Variants in ADK observed in about 807,000 individuals in gnomAD.
The protein encoded by ADK is N6,N6-dimethyladenosine kinase.
ADK carries 24 observed loss-of-function variants against 44.7 expected under a neutral mutation model. The ratio of observed to expected loss-of-function variants is 0.54; its 90% CI spans 0.39 to 0.76. ADK has a LOEUF of 0.76. Among genes scored for constraint, ADK ranks in the 30% least tolerant of loss-of-function variants. The probability of loss-of-function intolerance (pLI) is 0.00; values close to 1 mark genes in which losing one functional copy is unlikely to be tolerated. For synonymous variants in ADK, 128 were observed against 142.6 expected (o/e 0.90, Z 0.73); for missense variants, 321 against 425.1 (o/e 0.76, Z 2.15).
intron 6 of ADK, among the ~76,000 whole-genome samples, chr10:74,435,728 C>G (rs1404772548): frequency 6.6e-6 from 1 of 151,822 alleles, no homozygotes; most frequent in Admixed American, 6.6e-5. Flanking sequence ...TACTTCTCAC[C>G]GGTACCAATG....
chr10:74,318,271 C>A (rs1172335090), intron 4 of ADK, among the ~76,000 whole-genome samples: 1 of 152,146 alleles, frequency 6.6e-6, no homozygotes, highest in East Asian at 1.9e-4. Context: ...ACAGGGTCCT[C>A]CTTCCTCCAT....
chr10:74,563,018 C>T (rs1280568042), intron 7 of ADK, among the ~76,000 whole-genome samples: 3 of 152,156 alleles, frequency 2.0e-5, no homozygotes, highest in Non-Finnish European at 4.4e-5. Flanking sequence ...TACTCCCTAG[C>T]CACACTGGCC....
At chr10:74,663,831 T>G (rs1166471425) in intron 9 of ADK, among the ~76,000 whole-genome samples, 3 of 152,218 alleles carry the variant, frequency 2.0e-5, no homozygotes, top group Non-Finnish European at 4.4e-5. Context: ...GCAGAGTTCA[T>G]CATCTTTTTT....
chr10:74,443,253 A>T (rs1367221640), intron 6 of ADK, among the ~76,000 whole-genome samples: 1 of 152,222 alleles, frequency 6.6e-6, no homozygotes, highest in African/African-American at 2.4e-5. Context: ...ATACACATAT[A>T]TCAAAACATC....
chr10:74,650,390 G>A (rs542098697), intron 9 of ADK, among the ~76,000 whole-genome samples: 49 of 152,186 alleles, frequency 3.2e-4, no homozygotes, highest in African/African-American at 1.0e-3. Context: ...TCCAGCTTGC[G>A]TGACAGAGTG....
At chr10:74,527,089 C>T (rs540544447) in intron 7 of ADK, among the ~76,000 whole-genome samples, 30 of 152,292 alleles carry the variant, frequency 2.0e-4, no homozygotes, top group African/African-American at 6.3e-4. Flanking sequence ...AGGCCGGGCA[C>T]GGTGGCTCAC....
At chr10:74,464,692 A>C (rs1299227102) in intron 6 of ADK, among the ~76,000 whole-genome samples, 1 of 152,086 alleles carries the variant, frequency 6.6e-6, no homozygotes, top group Non-Finnish European at 1.5e-5. Flanking sequence ...AGACATACAT[A>C]CAGAAGCAGG....
In ADK at chr10:74,353,570, TA is replaced by T. The variant is rs36030657; in HGVS notation, c.273+38842del. 2.7e-3 allele frequency among the ~76,000 whole-genome samples: 361 copies of T among 135,372 alleles called. 2 individuals are homozygous for T. The highest frequency in any genetic ancestry group is 3.8e-3 in the African/African-American group (135 of 35,704). 88.8% of individuals were successfully genotyped at this position (135,372 alleles called of 152,430 possible). A position where few individuals can be genotyped will look rare whatever the true frequency, so the allele number is the denominator to read the frequency against. On this transcript the variant is annotated intron_variant, in intron 4 of 10. Coordinates refer to ENST00000539909, the MANE Select transcript of ADK (RefSeq NM_006721.4). ...GCACATATATCCCAGAACTTAAAGTTAAAAAAAAAAAAAAAAAGCCAGGCGC... is the reference window on the plus strand; with the variant it reads ...GCACATATATCCCAGAACTTAAAGTTAAAAAAAAAAAAAAAAGCCAGGCGC...
chr10:74,163,156 C>T (rs935095591), intron 1 of ADK, among the ~76,000 whole-genome samples: 3 of 151,978 alleles, frequency 2.0e-5, no homozygotes, highest in Non-Finnish European at 2.9e-5. Context: ...TTAGTAGAGA[C>T]GGGGTTTCAC....
chr10:74,457,282 AG>A (rs1432350857), intron 6 of ADK, among the ~76,000 whole-genome samples: 1 of 152,224 alleles, frequency 6.6e-6, no homozygotes, highest in Non-Finnish European at 1.5e-5. Context: ...CTAAACCAGG[AG>A]GAAGTGAATC....
chr10:74,497,553 T>C (rs1847735435), intron 6 of ADK, among the ~76,000 whole-genome samples: 2 of 152,346 alleles, frequency 1.3e-5, no homozygotes, highest in Admixed American at 6.5e-5. Context: ...TCTAGGGATA[T>C]GGTAATGAAC....
chr10:74,698,211 G>T (rs1389263306), intron 10 of ADK, among the ~76,000 whole-genome samples: 1 of 152,172 alleles, frequency 6.6e-6, no homozygotes, highest in Non-Finnish European at 1.5e-5. Context: ...ATACGCCTAT[G>T]TGTAACAGGA....
intron 7 of ADK, among the ~76,000 whole-genome samples, chr10:74,544,844 G>A (rs1023908997): frequency 6.6e-5 from 10 of 152,020 alleles, no homozygotes; most frequent in Non-Finnish European, 1.3e-4. Context: ...CCTGGGGACA[G>A]AGTGAGATTC....
At chr10:74,700,037 TG>T (rs1856357312) in intron 10 of ADK, among the ~76,000 whole-genome samples, 2 of 152,234 alleles carry the variant, frequency 1.3e-5, no homozygotes, top group Non-Finnish European at 2.9e-5. Context: ...GAATTTATCC[TG>T]AAGATACGCC....
intron 6 of ADK, among the ~76,000 whole-genome samples, chr10:74,482,479 C>T (rs1847110190): frequency 6.6e-6 from 1 of 152,122 alleles, no homozygotes; most frequent in Non-Finnish European, 1.5e-5. Flanking sequence ...TATCATTCTG[C>T]CCCTGGCTTC....
chr10:74,381,548 C>T (rs1039202941), intron 4 of ADK, among the ~76,000 whole-genome samples: 3 of 152,156 alleles, frequency 2.0e-5, no homozygotes, highest in Non-Finnish European at 4.4e-5. Flanking sequence ...AAAGCACAGA[C>T]GATTGTGTGT....
intron 6 of ADK, among the ~76,000 whole-genome samples, chr10:74,471,934 C>T (rs147026304): frequency 6.6e-6 from 1 of 152,120 alleles, no homozygotes; most frequent in Non-Finnish European, 1.5e-5. Flanking sequence ...TTTATACATA[C>T]AAGATTGTGT....
At chr10:74,405,279 G>A (rs891701642) in intron 6 of ADK, among the ~76,000 whole-genome samples, 2 of 151,958 alleles carry the variant, frequency 1.3e-5, no homozygotes, top group Admixed American at 1.3e-4. Context: ...GTTCCTGTTA[G>A]GAACCAGGCC....
At chr10:74,634,337 C>G (rs1426504494) in intron 9 of ADK, among the ~76,000 whole-genome samples, 2 of 152,106 alleles carry the variant, frequency 1.3e-5, no homozygotes, top group African/African-American at 4.8e-5. Flanking sequence ...GCCTCAGCCT[C>G]CCAAGTAGCT....
Sources: allele counts gnomAD v4.1 joint callset (sites outside exome capture counted in the v4.1 genomes callset), GRCh38; gene constraint gnomAD v4.1.1; transcripts MANE v1.5; gene names NCBI Gene and HGNC (gene_info 2026-07-23, HGNC 2026-07-21).